The following HERPUD2 variants were observed in gnomAD, a reference collection of about 807,000 sequenced individuals.
The protein encoded by HERPUD2 is homocysteine-responsive endoplasmic reticulum-resident ubiquitin-like domain member 2 protein.
Under a neutral mutation model 49.9 loss-of-function variants are expected in HERPUD2, and 13 were observed. The ratio of observed to expected loss-of-function variants is 0.26; its 90% CI spans 0.17 to 0.41. HERPUD2 has a LOEUF of 0.41. Ranked by LOEUF, HERPUD2 falls within the 10% of genes least tolerant of loss-of-function variation. The probability of loss-of-function intolerance (pLI) is 1.00; values close to 1 mark genes in which losing one functional copy is unlikely to be tolerated. For missense variants in HERPUD2, 449 were observed against 492.2 expected (o/e 0.91, Z 0.83); for synonymous variants, 172 against 171.4 (o/e 1.00, Z -0.03).
rs1200272602 is a variant in HERPUD2, at chr7:35,694,392, G to T, written c.-62C>A. ...CAGTTAAGCCCAAAAGAGCCGAGAT[G>T]GTCACCGCCGGCGCGACTGGGATGA... is the stretch of plus-strand genomic sequence containing the variant. On this transcript the variant is annotated 5_prime_UTR_variant, in exon 2 of 9. Coordinates refer to ENST00000311350, the MANE Select transcript of HERPUD2 (RefSeq NM_022373.5). The T allele has an allele frequency of 1.6e-5, 26 of 1,575,852 alleles. 2 individuals carry two copies. The highest frequency in any genetic ancestry group is 1.7e-6 in the Non-Finnish European group (2 of 1,146,642).
chr7:35,634,916 T>C (rs1175812331), intron 7 of HERPUD2, among the ~76,000 whole-genome samples: 1 of 152,204 alleles, frequency 6.6e-6, no homozygotes, highest in Non-Finnish European at 1.5e-5. Context: ...ACAACTTTTA[T>C]AAAATACAGT....
chr7:35,654,995 T>C (rs1315280059), intron 5 of HERPUD2, among the ~76,000 whole-genome samples: 2 of 152,056 alleles, frequency 1.3e-5, no homozygotes, highest in Admixed American at 6.6e-5. Context: ...GCTGGGATTA[T>C]AGGCATGCAC....
intron 5 of HERPUD2, among the ~76,000 whole-genome samples, chr7:35,665,484 G>A (rs187256954): frequency 6.6e-6 from 1 of 152,360 alleles, no homozygotes; most frequent in Non-Finnish European, 1.5e-5. Context: ...GTATTAGGGT[G>A]GGAGTATCCC....
intron 5 of HERPUD2, among the ~76,000 whole-genome samples, chr7:35,658,119 A>T (rs1785321740): frequency 6.6e-6 from 1 of 152,204 alleles, no homozygotes; most frequent in African/African-American, 2.4e-5. Context: ...AATGTGCTAT[A>T]TATAGACAAT....
intron 5 of HERPUD2, among the ~76,000 whole-genome samples, chr7:35,649,084 T>C (rs1291589414): frequency 6.6e-6 from 1 of 152,128 alleles, no homozygotes; most frequent in African/African-American, 2.4e-5. Context: ...ACCCCGTCTC[T>C]ACTAAAAATA....
chr7:35,662,233 C>G (rs1234751209), intron 5 of HERPUD2, among the ~76,000 whole-genome samples: 1 of 152,126 alleles, frequency 6.6e-6, no homozygotes, highest in African/African-American at 2.4e-5. Context: ...CTGACTTGAT[C>G]GTGGTGGATA....
At chr7:35,657,822 G>A (rs1785313794) in intron 5 of HERPUD2, among the ~76,000 whole-genome samples, 1 of 151,226 alleles carries the variant, frequency 6.6e-6, no homozygotes, top group African/African-American at 2.4e-5. Context: ...GGGAGGCTGA[G>A]GCAGGAGGTG....
At chr7:35,644,742 G>C (rs1033512130) in intron 5 of HERPUD2, among the ~76,000 whole-genome samples, 5 of 152,066 alleles carry the variant, frequency 3.3e-5, no homozygotes, top group African/African-American at 1.2e-4. Flanking sequence ...ACTCTAGCCT[G>C]GGGGAAACAG....
At chr7:35,672,341 A>ACAC (rs1285992908) in intron 3 of HERPUD2, among the ~76,000 whole-genome samples, 1 of 152,054 alleles carries the variant, frequency 6.6e-6, no homozygotes, top group Non-Finnish European at 1.5e-5. Flanking sequence ...AGTGGGTATT[A>ACAC]CACCATGTTA....
intron 5 of HERPUD2, among the ~76,000 whole-genome samples, chr7:35,643,142 A>AAT (rs1182415984): frequency 6.6e-6 from 1 of 152,188 alleles, no homozygotes; most frequent in Non-Finnish European, 1.5e-5. Context: ...AGACAGGGAC[A>AAT]ATAGCTCATT....
In HERPUD2 at chr7:35,682,357, G is replaced by GTATA. The variant is rs3052526; in HGVS notation, c.148-9083_148-9080dup. On this transcript the variant is annotated intron_variant, in intron 2 of 8. Coordinates refer to ENST00000311350, the MANE Select transcript of HERPUD2 (RefSeq NM_022373.5). ...TGTGTGTGTGTGTGTGTGTGTGTGT[G>GTATA]TATATATATATATATATATATATAT... 9.7e-4 allele frequency among the ~76,000 whole-genome samples: 25 copies of GTATA among 25,826 alleles called. 7 individuals are homozygous for GTATA. Among genetic ancestry groups the GTATA allele is most frequent in the African/African-American group, 2.6e-3 (18 of 6,964 alleles). 16.9% of individuals were successfully genotyped at this position (25,826 alleles called of 152,430 possible). A position where few individuals can be genotyped will look rare whatever the true frequency, so the allele number is the denominator to read the frequency against.
chr7:35,635,549 T>C lies in HERPUD2; in HGVS notation c.618-91A>G, dbSNP rs1784858108. ...ACTTCTTGGGGAGCTATATGTATTT[T>C]TCATAAACCTAATATGGAATATCCC... On this transcript the variant is annotated intron_variant, in intron 6 of 8. Transcript: ENST00000311350. The C allele has an allele frequency of 3.8e-6, 4 of 1,045,478 alleles. No homozygotes were observed. In the East Asian group the frequency reaches 1.0e-4, roughly 27 times the overall value. The allele number at this position is 1,045,478 out of a possible 1,614,324, so 64.8% of individuals were successfully genotyped here. A position where few individuals can be genotyped will look rare whatever the true frequency, so the allele number is the denominator to read the frequency against.
chr7:35,633,897 C>A, intron 8 of HERPUD2, 46 bp from the exon 9 acceptor site: 1 of 1,555,958 alleles, frequency 6.4e-7, no homozygotes, highest in Non-Finnish European at 8.8e-7. Context: ...TATGAACGAG[C>A]ATTAGCTCAT....
At chr7:35,658,318 G>C (rs1363990252) in intron 5 of HERPUD2, among the ~76,000 whole-genome samples, 1 of 152,158 alleles carries the variant, frequency 6.6e-6, no homozygotes, top group Non-Finnish European at 1.5e-5. Flanking sequence ...AGACACAAGG[G>C]GCTAGGAAGG....
At chr7:35,657,546 C>CAGGAGTAT (rs1184736581) in intron 5 of HERPUD2, among the ~76,000 whole-genome samples, 1 of 146,066 alleles carries the variant, frequency 6.8e-6, no homozygotes, top group Non-Finnish European at 1.5e-5. Flanking sequence ...CGCTTGAGCC[C>CAGGAGTAT]AGGAGTATGA....
chr7:35,675,862 A>C (rs1367895524), intron 2 of HERPUD2, among the ~76,000 whole-genome samples: 2 of 151,824 alleles, frequency 1.3e-5, no homozygotes, highest in Non-Finnish European at 2.9e-5. Context: ...GCAGCCCCGA[A>C]CTCCTGGGCT....
In HERPUD2 at chr7:35,638,486, A is replaced by G; in HGVS notation, c.495-14T>C. Reference sequence around the variant, plus strand: ...TTGTCTACATTTCTGCAAGAAATAAATAATGAGCTCTTTTAATGCTCTAGC... The same window carrying G: ...TTGTCTACATTTCTGCAAGAAATAAGTAATGAGCTCTTTTAATGCTCTAGC... On this transcript the variant is annotated splice_polypyrimidine_tract_variant and intron_variant, in intron 5 of 8. Transcript: ENST00000311350. The G allele has an allele frequency of 6.2e-7, 1 of 1,611,114 alleles. No homozygotes were observed. Among genetic ancestry groups the G allele is most frequent in the African/African-American group, 1.3e-5 (1 of 74,950 alleles).
At chr7:35,663,231 G>C (rs1328009438) in intron 5 of HERPUD2, among the ~76,000 whole-genome samples, 1 of 152,212 alleles carries the variant, frequency 6.6e-6, no homozygotes. Flanking sequence ...TGTGGTCTGA[G>C]AGACAGTTTG....
At chr7:35,652,883 T>C (rs990067886) in intron 5 of HERPUD2, among the ~76,000 whole-genome samples, 6 of 151,850 alleles carry the variant, frequency 4.0e-5, no homozygotes, top group East Asian at 1.9e-4. Flanking sequence ...GGGAGCCCTA[T>C]ACCCGGAAGG....
Sources: gnomAD v4.1 joint callset for allele counts (sites outside exome capture counted in the v4.1 genomes callset) on GRCh38, gnomAD v4.1.1 for gene constraint, MANE v1.5 for transcripts, NCBI Gene and HGNC (gene_info 2026-07-23, HGNC 2026-07-21) for gene names.